The following VSIG10 variants were observed in gnomAD, a reference collection of about 807,000 sequenced individuals.
The protein encoded by VSIG10 is V-set and immunoglobulin domain containing 10.
In VSIG10, 48 loss-of-function variants were observed where a neutral mutation model predicts 58.7. The ratio of observed to expected loss-of-function variants is 0.82; its 90% confidence interval spans 0.65 to 1.04. The LOEUF (loss-of-function observed/expected upper bound fraction) is 1.04. Ranked by LOEUF, VSIG10 falls within the 50% of genes least tolerant of loss-of-function variation. VSIG10 has a pLI of 0.00. For synonymous variants in VSIG10, 260 were observed against 267.1 expected (o/e 0.97, Z 0.26); for missense variants, 628 against 670.0 (o/e 0.94, Z 0.69).
intron 8 of VSIG10, among the ~76,000 whole-genome samples, chr12:118,067,540 T>C (rs2032298666): frequency 2.7e-5 from 4 of 149,282 alleles, no homozygotes; most frequent in Non-Finnish European, 5.9e-5. Flanking sequence ...CTCGGCTCAC[T>C]GCAGCCTCCG....
chr12:118,092,636 TTC>T (rs2033331426), intron 2 of VSIG10, among the ~76,000 whole-genome samples: 1 of 59,062 alleles, frequency 1.7e-5, no homozygotes, highest in Admixed American at 2.3e-4. Flanking sequence ...GATTTTCTTT[TTC>T]TTTTTTTTTT....
chr12:118,071,261 C>T, intron 6 of VSIG10, 98 bp downstream of exon 6: 1 of 1,335,998 alleles, frequency 7.5e-7, no homozygotes, highest in Non-Finnish European at 1.1e-6. Context: ...GCCCAGAGAA[C>T]AGAACTTCAG....
rs375116018 is a variant in VSIG10 at position 118,068,514 on chromosome 12, G to A, written c.1430C>T (p.Ala477Val). 1.2e-5 allele frequency: 19 copies of A among 1,605,420 alleles called. 1 individual carries two copies. The highest frequency in any genetic ancestry group is 8.4e-5 in the African/African-American group (6 of 71,146). The change falls in exon 8 of 9, where the codon GCA (alanine) becomes GTA (valine). Residue 477 changes from alanine to valine, a missense_variant. By Grantham distance (64) the Ala-to-Val change is moderately conservative. Coordinates refer to ENST00000359236, the MANE Select transcript of VSIG10 (RefSeq NM_019086.6). ...ACGTGCTCCCTCCTGTTCCCCTACT[G>A]CAGCATCTTCCTCCTCCTCCTCCTC... is the stretch of plus-strand genomic sequence containing the variant. ...EEEEEEEEDA[A>V]VGEQEGARER...
intron 1 of VSIG10, chr12:118,102,924 T>A (rs1256413494): frequency 1.3e-5 from 2 of 152,216 alleles, no homozygotes; most frequent in Non-Finnish European, 2.9e-5. Flanking sequence ...TTCTACATAT[T>A]TTTGTAAGCA....
At chr12:118,083,227 A>C (rs2033020689) in intron 2 of VSIG10, among the ~76,000 whole-genome samples, 1 of 150,242 alleles carries the variant, frequency 6.7e-6, no homozygotes, top group South Asian at 2.1e-4. Flanking sequence ...GGATCACTTG[A>C]GGCCAGGAGT....
intron 1 of VSIG10, among the ~76,000 whole-genome samples, chr12:118,098,668 T>A (rs952960253): frequency 5.9e-5 from 9 of 151,858 alleles, no homozygotes; most frequent in Non-Finnish European, 2.9e-5. Context: ...AGGAAACACT[T>A]CCCCCAGGAA....
At position 118,073,928 on chromosome 12, in the gene VSIG10, T is replaced by C. The variant is rs1399448360; in HGVS notation, c.990A>G (p.Thr330=). The change falls in exon 5 of 9, where the codon ACA becomes ACG. Residue 330 remains threonine, a synonymous_variant. Coordinates refer to ENST00000359236, the MANE Select transcript of VSIG10 (RefSeq NM_019086.6). The stretch of plus-strand genomic sequence containing the variant: ...GGGGGTAGGCCCCAGACACCTGGCA[T>C]GTAAGCGTCACATTGCCCCCAGTGA... ...TCFTGGNVTL[T]CQVSGAYPPA... The C allele has an allele frequency of 6.2e-7, 1 of 1,611,324 alleles. No individual in the cohort carries two copies. The highest frequency in any genetic ancestry group is 8.5e-7 in the Non-Finnish European group (1 of 1,178,226).
rs145036157 is a variant in VSIG10 at position 118,095,834 on chromosome 12, G to C, written c.80-20C>G. 5 of 1,592,418 alleles carry C rather than the reference G, an allele frequency of 3.1e-6. No individual in the cohort carries two copies. Among genetic ancestry groups the C allele is most frequent in the African/African-American group, 2.7e-5 (2 of 74,588 alleles). On this transcript the variant is annotated intron_variant, in intron 1 of 8. Transcript: ENST00000359236. ...CCAATCCTGTACAAGGCAAGATCAG[G>C]CTGTTACTACCCTTCTTAATTTCTA...
intron 2 of VSIG10, among the ~76,000 whole-genome samples, chr12:118,088,655 T>C (rs140028552): frequency 1.7e-3 from 266 of 152,288 alleles, no homozygotes; most frequent in African/African-American, 6.1e-3. Flanking sequence ...CTGGCCACTG[T>C]CGGGGAGCAA....
At chr12:118,071,706 CA>C (rs1317282222) in intron 5 of VSIG10, among the ~76,000 whole-genome samples, 2 of 152,166 alleles carry the variant, frequency 1.3e-5, no homozygotes, top group African/African-American at 4.8e-5. Flanking sequence ...CTCTGTCTAC[CA>C]AACACTGAGA....
chr12:118,079,128 A>G (rs961752983), intron 4 of VSIG10, among the ~76,000 whole-genome samples: 2 of 152,058 alleles, frequency 1.3e-5, no homozygotes, highest in Non-Finnish European at 2.9e-5. Flanking sequence ...GTATCTGTCA[A>G]GTGGAAAATA....
rs750461797 is a variant in VSIG10 at position 118,095,730 on chromosome 12, G to A, written c.164C>T (p.Thr55Ile). 1.2e-6 allele frequency: 2 copies of A among 1,613,838 alleles called. No homozygotes were observed. The highest frequency in any genetic ancestry group is 1.1e-5 in the South Asian group (1 of 91,062). ...GNISGLRGQV[T>I]WYRNNSEPVF... ...AGGCTCCGAGTTGTTCCGGTACCAGGTCACCTGGCCCCTCAGTCCCGAGAT... is the reference window on the plus strand; with the variant it reads ...AGGCTCCGAGTTGTTCCGGTACCAGATCACCTGGCCCCTCAGTCCCGAGAT... The change falls in exon 2 of 9, where the codon ACC (threonine) becomes ATC (isoleucine). Residue 55 changes from threonine to isoleucine, a missense_variant. Transcript: ENST00000359236.
At chr12:118,103,563 A>G (rs752527912) in intron 1 of VSIG10, 30 bp downstream of exon 1, 1 of 1,502,682 alleles carries the variant, frequency 6.7e-7, no homozygotes, top group South Asian at 1.2e-5. Context: ...GGGAAAACTC[A>G]ACTTTTCCCT....
At chr12:118,101,292 A>G (rs948499511) in intron 1 of VSIG10, among the ~76,000 whole-genome samples, 1 of 152,176 alleles carries the variant, frequency 6.6e-6, no homozygotes, top group African/African-American at 2.4e-5. Context: ...TGGAAGGGGT[A>G]GTTCTTGCCT....
Position 118,095,803 on chromosome 12 carries a change from C to T in VSIG10, c.91G>A (p.Val31Ile). Residue 31 changes from valine (V) to isoleucine (I), a missense_variant, in exon 2 of 9, where the codon GTT becomes ATT. Val to Ile is a conservative substitution (Grantham distance 29). Coordinates refer to ENST00000359236, the MANE Select transcript of VSIG10 (RefSeq NM_019086.6). ...TTCTCATGAACTTCTCCAATGACAA[C>T]AGCCTCCAATCCTGTACAAGGCAAG... is the stretch of plus-strand genomic sequence containing the variant. Reference protein sequence around the residue: ...AGWVAVGLEAVVIGEVHENVT... With the variant: ...AGWVAVGLEAIVIGEVHENVT... 6.2e-7 allele frequency: 1 copy of T among 1,608,970 alleles called. No individual in the cohort carries two copies.
At chr12:118,087,838 A>AG (rs2033172532) in intron 2 of VSIG10, among the ~76,000 whole-genome samples, 1 of 46,658 alleles carries the variant, frequency 2.1e-5, no homozygotes. Flanking sequence ...ATCCTGTCTC[A>AG]AAAAAAAAAA....
At position 118,070,587 on chromosome 12, in the gene VSIG10, A is replaced by C. The variant is rs544265863; in HGVS notation, c.1346+465T>G. Among the ~76,000 whole-genome samples the C allele has an allele frequency of 3.4e-4, 51 of 151,972 alleles. 1 individual carries two copies. In the South Asian group the frequency reaches 1.0e-2, roughly 30 times the overall value. The stretch of plus-strand genomic sequence containing the variant: ...AAAGAAAAAAGAAAAAGAAAAAAAA[A>C]CTTAAGACTATGACTGATTCTTTCT... On this transcript the variant is annotated intron_variant, in intron 7 of 8. Coordinates refer to ENST00000359236, the MANE Select transcript of VSIG10 (RefSeq NM_019086.6).
At chr12:118,095,490 T>C (rs770850142) in intron 2 of VSIG10, 43 bp downstream of exon 2, 37 of 1,606,966 alleles carry the variant, frequency 2.3e-5, no homozygotes, top group Non-Finnish European at 3.1e-5. Context: ...TTTCCAAGGC[T>C]CCGAGCACCT....
rs1417559094 is a variant in VSIG10, at chr12:118,068,534, C to T, written c.1410G>A (p.Glu470=). 2 of 1,602,944 alleles carry T rather than the reference C, an allele frequency of 1.2e-6. No individual in the cohort carries two copies. Among genetic ancestry groups the T allele is most frequent in the Admixed American group, 1.7e-5 (1 of 57,660 alleles). The change falls in exon 8 of 9, where the codon GAG becomes GAA. Residue 470 remains glutamate (E), a synonymous_variant. Transcript: ENST00000359236. Reference sequence around the variant, plus strand: ...CTACTGCAGCATCTTCCTCCTCCTCCTCCTCCTCCTCCTCTTCCTCTTCTG... The same window carrying T: ...CTACTGCAGCATCTTCCTCCTCCTCTTCCTCCTCCTCCTCTTCCTCTTCTG... ...VDSEEEEEEE[E]EEEEDAAVGE...
Sources: allele counts gnomAD v4.1 joint callset (sites outside exome capture counted in the v4.1 genomes callset), GRCh38; gene constraint gnomAD v4.1.1; transcripts MANE v1.5; gene names NCBI Gene and HGNC (gene_info 2026-07-23, HGNC 2026-07-21).